Variants in LYPLAL1 observed in about 807,000 individuals in gnomAD.
LYPLAL1 encodes lysophospholipase like 1.
In LYPLAL1, 23 loss-of-function variants were observed where a neutral mutation model predicts 19.7. That is an observed-to-expected ratio of 1.17 (90% CI 0.84 to 1.65). The LOEUF is 1.65. Among genes scored for constraint, LYPLAL1 ranks in the 40% most tolerant of loss-of-function variants. The pLI, the probability that LYPLAL1 is intolerant of heterozygous loss-of-function variation, is 0.00. For missense variants in LYPLAL1, 355 were observed against 279.4 expected (o/e 1.27, Z -1.93); for synonymous variants, 119 against 96.3 (o/e 1.24, Z -1.38).
the LYPLAL1 span, among the ~76,000 whole-genome samples, chr1:219,420,463 T>C: frequency 4.4e-4 from 67 of 152,316 alleles, no homozygotes; most frequent in African/African-American, 1.5e-3. Context: ...CATATGCTTG[T>C]AAACTAGTGG....
chr1:219,174,133 G>T, intron 1 of LYPLAL1, 152 bp downstream of exon 1: 1 of 1,454,640 alleles, frequency 6.9e-7, no homozygotes, highest in Non-Finnish European at 9.1e-7. Flanking sequence ...AGATGCACGG[G>T]CAGCGCCACC....
the LYPLAL1 span, among the ~76,000 whole-genome samples, chr1:219,444,474 A>C: frequency 1.3e-5 from 2 of 151,966 alleles, no homozygotes; most frequent in African/African-American, 4.8e-5. Flanking sequence ...TCTTGAATTG[A>C]CTCCCACACC....
At chr1:219,439,187 G>A in the LYPLAL1 span, among the ~76,000 whole-genome samples, 1 of 152,048 alleles carries the variant, frequency 6.6e-6, no homozygotes, top group Admixed American at 6.6e-5. Flanking sequence ...GGGCCTCACT[G>A]CTTCATAGGT....
At chr1:219,418,909 C>T in the LYPLAL1 span, among the ~76,000 whole-genome samples, 2 of 152,198 alleles carry the variant, frequency 1.3e-5, no homozygotes, top group African/African-American at 4.8e-5. Flanking sequence ...CAGCATGGAG[C>T]CTTTTCAAAT....
the LYPLAL1 span, among the ~76,000 whole-genome samples, chr1:219,247,644 C>T: frequency 6.6e-6 from 1 of 152,098 alleles, no homozygotes; most frequent in Non-Finnish European, 1.5e-5. Flanking sequence ...GATTGGTAAC[C>T]AGGAAAGCTC....
the LYPLAL1 span, among the ~76,000 whole-genome samples, chr1:219,400,920 CTT>C: frequency 1.3e-5 from 2 of 152,162 alleles, no homozygotes; most frequent in Admixed American, 6.5e-5. Context: ...CACACCATCT[CTT>C]TATTTTTCCC....
the LYPLAL1 span, among the ~76,000 whole-genome samples, chr1:219,255,543 C>A: frequency 2.1e-4 from 32 of 151,810 alleles, no homozygotes; most frequent in African/African-American, 7.7e-4. Context: ...TTTTGTCTCC[C>A]CAAATTGCAA....
At chr1:219,236,033 A>G in the LYPLAL1 span, among the ~76,000 whole-genome samples, 2 of 152,248 alleles carry the variant, frequency 1.3e-5, no homozygotes, top group Non-Finnish European at 2.9e-5. Flanking sequence ...GTGGAATAAT[A>G]GGAGCATGTA....
the LYPLAL1 span, among the ~76,000 whole-genome samples, chr1:219,349,270 G>A: frequency 6.6e-6 from 1 of 152,160 alleles, no homozygotes; most frequent in Admixed American, 6.5e-5. Flanking sequence ...TAGACATATA[G>A]TTCATTCAGT....
the LYPLAL1 span, among the ~76,000 whole-genome samples, chr1:219,294,674 T>C: frequency 6.6e-6 from 1 of 152,210 alleles, no homozygotes; most frequent in Non-Finnish European, 1.5e-5. Flanking sequence ...TATGGCTTAA[T>C]AGCTAAGTAC....
intron 2 of LYPLAL1, among the ~76,000 whole-genome samples, chr1:219,181,609 G>A (rs1031301447): frequency 2.6e-5 from 4 of 152,166 alleles, no homozygotes; most frequent in African/African-American, 9.7e-5. Flanking sequence ...CAGTTTGTGG[G>A]AGCAAAAGTG....
At chr1:219,398,965 C>T in the LYPLAL1 span, among the ~76,000 whole-genome samples, 1 of 152,196 alleles carries the variant, frequency 6.6e-6, no homozygotes, top group Non-Finnish European at 1.5e-5. Flanking sequence ...TCACTACACT[C>T]CAATGGATGG....
chr1:219,285,528 T>C, the LYPLAL1 span, among the ~76,000 whole-genome samples: 16 of 152,190 alleles, frequency 1.1e-4, no homozygotes, highest in Non-Finnish European at 1.8e-4. Flanking sequence ...TGGAATATTA[T>C]ACAGTCACAA....
the LYPLAL1 span, among the ~76,000 whole-genome samples, chr1:219,269,591 C>T: frequency 6.6e-6 from 1 of 151,736 alleles, no homozygotes; most frequent in Non-Finnish European, 1.5e-5. Context: ...TTGTGCTTTA[C>T]ATCTAGGCCA....
chr1:219,205,850 A>G (rs1430659977), intron 3 of LYPLAL1, among the ~76,000 whole-genome samples: 1 of 152,230 alleles, frequency 6.6e-6, no homozygotes, highest in African/African-American at 2.4e-5. Context: ...AACAACTAGT[A>G]GGACTTTAAA....
chr1:219,440,536 T>C, the LYPLAL1 span, among the ~76,000 whole-genome samples: 1 of 152,074 alleles, frequency 6.6e-6, no homozygotes, highest in African/African-American at 2.4e-5. Context: ...CAGAGATGGG[T>C]CAATTTAAAT....
the LYPLAL1 span, among the ~76,000 whole-genome samples, chr1:219,293,357 A>G: frequency 6.6e-6 from 1 of 152,224 alleles, no homozygotes; most frequent in Non-Finnish European, 1.5e-5. Context: ...GATATTATGT[A>G]AAATATATTA....
the LYPLAL1 span, among the ~76,000 whole-genome samples, chr1:219,252,817 TCC>T: frequency 6.6e-6 from 1 of 151,996 alleles, no homozygotes; most frequent in Non-Finnish European, 1.5e-5. Context: ...TGAGGAGGAG[TCC>T]CTCCTTTCCA....
At chr1:219,183,718 T>C (rs1418603234) in intron 2 of LYPLAL1, among the ~76,000 whole-genome samples, 1 of 151,976 alleles carries the variant, frequency 6.6e-6, no homozygotes, top group Non-Finnish European at 1.5e-5. Context: ...GCTTCTTTTA[T>C]TCAAATTGGT....
Sources: allele counts gnomAD v4.1 joint callset (sites outside exome capture counted in the v4.1 genomes callset), GRCh38; gene constraint gnomAD v4.1.1; transcripts MANE v1.5; gene names NCBI Gene and HGNC (gene_info 2026-07-23, HGNC 2026-07-21).